Variants in ANGPT2 observed in about 807,000 individuals in gnomAD.
The protein encoded by ANGPT2 is angiopoietin 2, also known as angiopoietin-2.
A neutral mutation model predicts 62.9 loss-of-function variants in ANGPT2; 28 were observed. The ratio of observed to expected loss-of-function variants is 0.44; its 90% CI spans 0.33 to 0.61. The LOEUF is 0.61. Ranked by LOEUF, ANGPT2 falls within the 20% of genes least tolerant of loss-of-function variation. The pLI is 0.03. For synonymous variants in ANGPT2, 284 were observed against 207.8 expected (o/e 1.37, Z -3.15); for missense variants, 727 against 594.9 (o/e 1.22, Z -2.31).
chr8:6,541,630 A>G (rs1170798728), intron 1 of ANGPT2, among the ~76,000 whole-genome samples: 1 of 152,192 alleles, frequency 6.6e-6, no homozygotes, highest in African/African-American at 2.4e-5. Context: ...ACTTTGTTAA[A>G]TTCTCAGCTT....
chr8:6,541,275 G>T (rs968711215), intron 1 of ANGPT2, among the ~76,000 whole-genome samples: 1 of 152,190 alleles, frequency 6.6e-6, no homozygotes, highest in Admixed American at 6.5e-5. Context: ...ATGAGGCTTA[G>T]AGAAAGTCAG....
At position 6,501,310 on chromosome 8, in the gene ANGPT2, G is replaced by A. The variant is rs1812127758; in HGVS notation, c.*1791C>T. On this transcript the variant is annotated 3_prime_UTR_variant, in exon 9 of 9. Coordinates refer to ENST00000629816, the MANE Select transcript of ANGPT2 (RefSeq NM_001118887.2). ...TGAAATGGAATAAAGAAAAAATAAT[G>A]GTAGAACACTGTAAGGTGAAGACAG... 6.6e-6 allele frequency: 1 copy of A among 152,104 alleles called. No homozygotes were observed. Among genetic ancestry groups the A allele is most frequent in the Admixed American group, 6.5e-5 (1 of 15,274 alleles). The allele number at this position is 152,104 out of a possible 1,614,324, so 9.4% of individuals were successfully genotyped here.
intron 1 of ANGPT2, among the ~76,000 whole-genome samples, chr8:6,559,230 AACACACACAC>A (rs59299448): frequency 5.5e-5 from 8 of 146,722 alleles, no homozygotes; most frequent in Non-Finnish European, 6.0e-5. Context: ...CACACACGAC[AACACACACAC>A]ACACACACAC....
chr8:6,545,640 C>A (rs1403746345), intron 1 of ANGPT2, among the ~76,000 whole-genome samples: 9 of 152,160 alleles, frequency 5.9e-5, no homozygotes, highest in Admixed American at 5.9e-4. Context: ...GCATAAAAGG[C>A]ATTTGCTCTT....
chr8:6,547,376 A>G (rs532864148), intron 1 of ANGPT2, among the ~76,000 whole-genome samples: 2 of 152,068 alleles, frequency 1.3e-5, no homozygotes, highest in Non-Finnish European at 2.9e-5. Flanking sequence ...TGCCTTGCAT[A>G]TGTGTCTCTT....
intron 8 of ANGPT2, among the ~76,000 whole-genome samples, chr8:6,503,902 G>T (rs1373579810): frequency 6.6e-6 from 1 of 152,180 alleles, no homozygotes; most frequent in Non-Finnish European, 1.5e-5. Flanking sequence ...ACAGGAGCAT[G>T]CTGGGGTTTG....
At chr8:6,516,766 A>G (rs1208097990) in intron 5 of ANGPT2, among the ~76,000 whole-genome samples, 1 of 152,210 alleles carries the variant, frequency 6.6e-6, no homozygotes, top group Non-Finnish European at 1.5e-5. Flanking sequence ...CCTTGTTCCA[A>G]GAATGTTTGA....
intron 1 of ANGPT2, among the ~76,000 whole-genome samples, chr8:6,549,259 C>T (rs760646796): frequency 5.9e-5 from 9 of 152,152 alleles, no homozygotes; most frequent in Non-Finnish European, 1.2e-4. Context: ...TGTTATACAG[C>T]GAAACACTGC....
At position 6,563,158 on chromosome 8, in the gene ANGPT2, C is replaced by T; in HGVS notation, c.-224G>A. 2.3e-6 allele frequency: 1 copy of T among 429,616 alleles called. No individual in the cohort carries two copies. Among genetic ancestry groups the T allele is most frequent in the Admixed American group, 3.5e-5 (1 of 28,836 alleles). 26.6% of individuals were successfully genotyped at this position (429,616 alleles called of 1,614,324 possible). A position where few individuals can be genotyped will look rare whatever the true frequency, so the allele number is the denominator to read the frequency against. On this transcript the variant is annotated 5_prime_UTR_variant, in exon 1 of 9. Coordinates refer to ENST00000629816, the MANE Select transcript of ANGPT2 (RefSeq NM_001118887.2). ...GTCAGATTGCAGTGGGAAGAACAGT[C>T]CTGCTCACTTGGGAGGGCTGTGTCA...
At chr8:6,509,875 T>A (rs994431466) in intron 7 of ANGPT2, among the ~76,000 whole-genome samples, 4 of 152,214 alleles carry the variant, frequency 2.6e-5, no homozygotes, top group Non-Finnish European at 5.9e-5. Flanking sequence ...TTGTTCACCC[T>A]GGGGATCACA....
intron 1 of ANGPT2, among the ~76,000 whole-genome samples, chr8:6,539,530 A>G (rs1398667059): frequency 6.6e-6 from 1 of 151,994 alleles, no homozygotes. Context: ...TCTTTTAAGC[A>G]CTTCCTGAAA....
intron 5 of ANGPT2, among the ~76,000 whole-genome samples, chr8:6,518,704 G>T (rs939316251): frequency 6.6e-6 from 1 of 152,022 alleles, no homozygotes; most frequent in South Asian, 2.1e-4. Context: ...TTCCACTTTG[G>T]TACAGTATCC....
intron 3 of ANGPT2, among the ~76,000 whole-genome samples, chr8:6,523,514 A>G (rs1179658906): frequency 1.3e-5 from 2 of 152,232 alleles, no homozygotes; most frequent in Non-Finnish European, 2.9e-5. Context: ...GAGACTATGT[A>G]TTTGAGAATG....
chr8:6,503,096 G>C lies in ANGPT2; in HGVS notation c.*5C>G. 6.2e-7 allele frequency: 1 copy of C among 1,614,154 alleles called. No homozygotes were observed. Among genetic ancestry groups the C allele is most frequent in the Non-Finnish European group, 8.5e-7 (1 of 1,180,016 alleles). ...CGAGACAGTTCCTCAGGTGGACTGG[G>C]ATGTTTAGAAATCTGCTGGTCGGAT... On this transcript the variant is annotated 3_prime_UTR_variant, in exon 9 of 9. Transcript: ENST00000629816.
intron 3 of ANGPT2, among the ~76,000 whole-genome samples, chr8:6,526,613 A>T (rs1204080698): frequency 6.6e-6 from 1 of 152,246 alleles, no homozygotes. Context: ...TAAACTTGGT[A>T]TCCAAAGGAC....
At chr8:6,517,935 G>T (rs1412589697) in intron 5 of ANGPT2, among the ~76,000 whole-genome samples, 1 of 152,174 alleles carries the variant, frequency 6.6e-6, no homozygotes, top group Non-Finnish European at 1.5e-5. Context: ...AAAGCTTATT[G>T]TTCCCTGCTG....
At chr8:6,506,286 A>G (rs1157693966) in intron 8 of ANGPT2, among the ~76,000 whole-genome samples, 1 of 152,106 alleles carries the variant, frequency 6.6e-6, no homozygotes, top group Non-Finnish European at 1.5e-5. Flanking sequence ...GCTGCTCATT[A>G]GGCTGGTTCA....
At chr8:6,512,663 G>C (rs1815393239) in intron 7 of ANGPT2, among the ~76,000 whole-genome samples, 3 of 152,100 alleles carry the variant, frequency 2.0e-5, no homozygotes, top group Middle Eastern at 6.8e-3. Flanking sequence ...CTGTGCATGT[G>C]GCTTCACCGT....
At chr8:6,508,891 T>G (rs1245835978) in intron 8 of ANGPT2, 41 bp downstream of exon 8, 1 of 1,613,700 alleles carries the variant, frequency 6.2e-7, no homozygotes, top group Non-Finnish European at 8.5e-7. Flanking sequence ...ATGAAATCAT[T>G]CCTTGCCAAT....
Sources: gnomAD v4.1 joint callset for allele counts (sites outside exome capture counted in the v4.1 genomes callset) on GRCh38, gnomAD v4.1.1 for gene constraint, MANE v1.5 for transcripts, NCBI Gene and HGNC (gene_info 2026-07-23, HGNC 2026-07-21) for gene names.